Variants in CSMD1 observed in about 807,000 individuals in gnomAD.
CSMD1 encodes CUB and sushi domain-containing protein 1.
In CSMD1, 213 loss-of-function variants were observed where a neutral mutation model predicts 417.5. The observed-to-expected ratio is 0.51, with a 90% confidence interval of 0.46 to 0.57. The LOEUF (loss-of-function observed/expected upper bound fraction) is 0.57, where lower values mean the gene tolerates loss of function less well. Ranked by LOEUF, CSMD1 falls within the 20% of genes least tolerant of loss-of-function variation. The pLI, the probability that CSMD1 is intolerant of heterozygous loss-of-function variation, is 0.00. For missense variants in CSMD1, 6,923 were observed against 4,529.7 expected (o/e 1.53, Z -15.17); for synonymous variants, 2,862 against 1,736.8 (o/e 1.65, Z -16.11).
chr8:3,867,180 C>G (rs932335726), intron 5 of CSMD1, among the ~76,000 whole-genome samples: 1 of 151,988 alleles, frequency 6.6e-6, no homozygotes, highest in East Asian at 1.9e-4. Context: ...GGTCTTTGGT[C>G]TTGTCAATTG....
At chr8:3,499,039 G>C (rs186158205) in intron 10 of CSMD1, among the ~76,000 whole-genome samples, 5 of 152,208 alleles carry the variant, frequency 3.3e-5, no homozygotes, top group Non-Finnish European at 7.4e-5. Flanking sequence ...TTGTTCCCTT[G>C]GGGGTGTCAT....
chr8:3,298,519 T>C (rs372449420), intron 25 of CSMD1, among the ~76,000 whole-genome samples: 1 of 152,224 alleles, frequency 6.6e-6, no homozygotes, highest in African/African-American at 2.4e-5. Flanking sequence ...AATGGAATGA[T>C]CGTGGCTCAC....
At chr8:4,154,202 G>A (rs567043687) in intron 3 of CSMD1, among the ~76,000 whole-genome samples, 1 of 152,058 alleles carries the variant, frequency 6.6e-6, no homozygotes. Flanking sequence ...CATCTATTCA[G>A]GAAGAATAAT....
At chr8:4,847,968 C>A (rs749336510) in intron 1 of CSMD1, among the ~76,000 whole-genome samples, 3 of 152,142 alleles carry the variant, frequency 2.0e-5, no homozygotes, top group Non-Finnish European at 4.4e-5. Flanking sequence ...CCCTTCAAGG[C>A]AAACACACAC....
intron 3 of CSMD1, among the ~76,000 whole-genome samples, chr8:4,046,136 T>G (rs1223563423): frequency 6.6e-6 from 1 of 152,156 alleles, no homozygotes. Context: ...CTGATATATA[T>G]GTATTATGTA....
intron 5 of CSMD1, among the ~76,000 whole-genome samples, chr8:3,978,466 A>G (rs1585067399): frequency 6.6e-6 from 1 of 152,012 alleles, no homozygotes; most frequent in Non-Finnish European, 1.5e-5. Context: ...CATTATTGTA[A>G]GAAATCCATG....
chr8:3,328,583 A>G (rs1295842065), intron 23 of CSMD1, among the ~76,000 whole-genome samples: 1 of 152,202 alleles, frequency 6.6e-6, no homozygotes, highest in African/African-American at 2.4e-5. Context: ...TTTCAATCCA[A>G]GTCGCTCCAA....
At chr8:4,886,775 G>A (rs1803769036) in intron 1 of CSMD1, among the ~76,000 whole-genome samples, 1 of 151,752 alleles carries the variant, frequency 6.6e-6, no homozygotes, top group Non-Finnish European at 1.5e-5. Context: ...TACCAGATTT[G>A]TTGGCATAAA....
intron 18 of CSMD1, among the ~76,000 whole-genome samples, chr8:3,379,099 A>T (rs1305502810): frequency 6.6e-6 from 1 of 152,218 alleles, no homozygotes; most frequent in African/African-American, 2.4e-5. Flanking sequence ...CCTATACATA[A>T]ATAATAGACA....
intron 6 of CSMD1, among the ~76,000 whole-genome samples, chr8:3,723,001 T>A (rs11998348): frequency 6.6e-6 from 1 of 152,068 alleles, no homozygotes; most frequent in Non-Finnish European, 1.5e-5. Flanking sequence ...ATTCTGCAGG[T>A]GAAGCTCAGC....
At chr8:3,219,211 C>A in intron 29 of CSMD1, 44 bp downstream of exon 29, 1 of 1,487,414 alleles carries the variant, frequency 6.7e-7, no homozygotes, top group South Asian at 1.2e-5. Flanking sequence ...AAAAACAGTC[C>A]TGATACAAAT....
rs987983435 is a variant in CSMD1, at chr8:4,647,340, G to A, written c.86-9782C>T. The stretch of plus-strand genomic sequence containing the variant: ...TACATGTGCCACGGCGGCCTGCTAC[G>A]TAGGTACGCGTGTGCCACGGCGGCC... On this transcript the variant is annotated intron_variant, in intron 1 of 69. Transcript: ENST00000635120. Among the ~76,000 whole-genome samples, 7 of 150,956 alleles carry A rather than the reference G, an allele frequency of 4.6e-5. 1 individual carries two copies. Among genetic ancestry groups the A allele is most frequent in the African/African-American group, 4.9e-5 (2 of 41,010 alleles).
chr8:4,307,636 G>A (rs531948817), intron 3 of CSMD1, among the ~76,000 whole-genome samples: 1 of 152,268 alleles, frequency 6.6e-6, no homozygotes, highest in South Asian at 2.1e-4. Context: ...ATCGAATTTT[G>A]CATCTCAAGG....
At chr8:3,130,046 C>T (rs2129025830) in intron 41 of CSMD1, among the ~76,000 whole-genome samples, 1 of 152,122 alleles carries the variant, frequency 6.6e-6, no homozygotes, top group Non-Finnish European at 1.5e-5. Flanking sequence ...ATGTGGGAGA[C>T]TTGCAAGTGC....
chr8:4,357,766 A>C (rs561910639), intron 3 of CSMD1, among the ~76,000 whole-genome samples: 262 of 152,288 alleles, frequency 1.7e-3, no homozygotes, highest in African/African-American at 6.0e-3. Flanking sequence ...TAAAAGAAAA[A>C]TGAAAAGAAT....
intron 1 of CSMD1, among the ~76,000 whole-genome samples, chr8:4,840,038 T>C (rs1054654373): frequency 1.3e-5 from 2 of 152,124 alleles, no homozygotes; most frequent in Non-Finnish European, 2.9e-5. Context: ...TGGTTTGGGG[T>C]TCACAGCTAT....
chr8:3,709,709 T>TTTTTTTTTTTG (rs1554518391), intron 6 of CSMD1, among the ~76,000 whole-genome samples: 1 of 129,586 alleles, frequency 7.7e-6, no homozygotes, highest in Admixed American at 8.0e-5. Context: ...TTTTTTTTTT[T>TTTTTTTTTTTG]CCCTGCTTTC....
intron 52 of CSMD1, among the ~76,000 whole-genome samples, 157 bp from the exon 53 acceptor site, chr8:3,000,288 T>C (rs1397854870): frequency 6.6e-6 from 1 of 151,610 alleles, no homozygotes; most frequent in African/African-American, 2.4e-5. Flanking sequence ...AATATAGTTT[T>C]TCTTTTTTTT....
chr8:3,737,206 G>C (rs1056894197), intron 6 of CSMD1, among the ~76,000 whole-genome samples: 1 of 146,334 alleles, frequency 6.8e-6, no homozygotes, highest in Non-Finnish European at 1.5e-5. Context: ...TGACTATCGG[G>C]AGAAATTATC....
Sources: gnomAD v4.1 joint callset for allele counts (sites outside exome capture counted in the v4.1 genomes callset) on GRCh38, gnomAD v4.1.1 for gene constraint, MANE v1.5 for transcripts, NCBI Gene and HGNC (gene_info 2026-07-23, HGNC 2026-07-21) for gene names.